RAVER1: variants seen among roughly 807,000 people sequenced by gnomAD.
RAVER1 encodes ribonucleoprotein, PTB binding 1, also known as ribonucleoprotein PTB-binding 1.
A neutral mutation model predicts 68.4 loss-of-function variants in RAVER1; 36 were observed. That is an observed-to-expected ratio of 0.53 (90% CI 0.40 to 0.70). The LOEUF (loss-of-function observed/expected upper bound fraction) is 0.70. Among genes scored for constraint, RAVER1 ranks in the 30% least tolerant of loss-of-function variants. The pLI, the probability that RAVER1 is intolerant of heterozygous loss-of-function variation, is 0.00. For missense variants in RAVER1, 933 were observed against 1,019.8 expected, an observed-to-expected ratio of 0.91 and a Z score of 1.16; for synonymous variants, 469 against 472.7, an observed-to-expected ratio of 0.99 and a Z score of 0.10.
intron 3 of RAVER1, among the ~76,000 whole-genome samples, chr19:10,327,103 ACTATCTTGC>A (rs1327599874): frequency 6.6e-6 from 1 of 151,912 alleles, no homozygotes; most frequent in Non-Finnish European, 1.5e-5. Context: ...ATGGTGTCCC[ACTATCTTGC>A]CCAGGCTAGT....
In RAVER1 at chr19:10,317,745, C is replaced by T. The variant is rs769916113; in HGVS notation, c.2018G>A (p.Gly673Glu). The change falls in exon 12 of 13, where the codon GGA becomes GAA. Residue 673 changes from glycine (G) to glutamate (E), a missense_variant. Gly to Glu is a moderately conservative substitution (Grantham distance 98). Coordinates refer to ENST00000617231, the MANE Select transcript of RAVER1 (RefSeq NM_133452.3). The surrounding 1 kb of genome is among the most constrained non-coding windows in gnomAD (Gnocchi z 4.3). ...KAIGSSPLGS[G>E]EGLLGLSPGP... ...GGGGCTGAGGCCCAGGAGCCCTTCT[C>T]CGGACCCCAGCGGGGAAGAGCCGAT... 2.9e-5 allele frequency: 46 copies of T among 1,596,404 alleles called. 1 individual carries two copies. In the South Asian group the frequency reaches 5.0e-4, roughly 17 times the overall value.
At position 10,317,616 on chromosome 19, in the gene RAVER1, AGGGCG is replaced by A; in HGVS notation, c.2074-21_2074-17del. Reference sequence around the variant, plus strand: ...CCAGTGGGGTCTGGAGACAGAGGGCAGGGCGGGGCGGGTCAGGGGCCGCTGGGGGG... The same window carrying A: ...CCAGTGGGGTCTGGAGACAGAGGGCAGGGCGGGTCAGGGGCCGCTGGGGGG... On this transcript the variant is annotated splice_polypyrimidine_tract_variant and intron_variant, in intron 12 of 12. Coordinates refer to ENST00000617231, the MANE Select transcript of RAVER1 (RefSeq NM_133452.3). This position sits in a 1 kb window ranked among gnomAD's most constrained non-coding sequence, Gnocchi z 4.3. 1 of 1,141,266 alleles carries A rather than the reference AGGGCG, an allele frequency of 8.8e-7. No individual in the cohort carries two copies. The highest frequency in any genetic ancestry group is 1.2e-6 in the Non-Finnish European group (1 of 808,532). 70.7% of individuals were successfully genotyped at this position (1,141,266 alleles called of 1,614,324 possible).
Position 10,333,219 on chromosome 19 carries a change from C to T in RAVER1, c.219+70G>A. ...CCCCCGCGCACCTCAGCGTTGGTGT[C>T]GCCCGGTTCCCCCCGCGCACGCGCA... On this transcript the variant is annotated intron_variant, in intron 1 of 12. Coordinates refer to ENST00000617231, the MANE Select transcript of RAVER1 (RefSeq NM_133452.3). The surrounding 1 kb of genome is among the most constrained non-coding windows in gnomAD (Gnocchi z 4.2). The T allele has an allele frequency of 2.8e-6, 4 of 1,448,918 alleles. No homozygotes were observed. Among genetic ancestry groups the T allele is most frequent in the Non-Finnish European group, 3.7e-6 (4 of 1,069,320 alleles). The allele number at this position is 1,448,918 out of a possible 1,614,324, so 89.8% of individuals were successfully genotyped here.
At chr19:10,319,822 A>G (rs1332598562) in intron 9 of RAVER1, among the ~76,000 whole-genome samples, 3 of 147,722 alleles carry the variant, frequency 2.0e-5, no homozygotes, top group Non-Finnish European at 4.5e-5. Context: ...TATATATTTT[A>G]TAATATATAA....
At chr19:10,331,390 C>CAAAAAAAAAAAAAAAA (rs1568314187) in intron 1 of RAVER1, among the ~76,000 whole-genome samples, 1 of 31,752 alleles carries the variant, frequency 3.1e-5, no homozygotes, top group Non-Finnish European at 5.9e-5. Context: ...AAAATAACAA[C>CAAAAAAAAAAAAAAAA]AACAAAAAAA....
In RAVER1 at chr19:10,323,551, C is replaced by T. The variant is rs1940325539; in HGVS notation, c.772G>A (p.Asp258Asn). Residue 258 changes from aspartate to asparagine, a missense_variant, in exon 4 of 13, where the codon GAT becomes AAT. Physicochemically the swap from Asp to Asn is conservative, Grantham distance 23. Coordinates refer to ENST00000617231, the MANE Select transcript of RAVER1 (RefSeq NM_133452.3). The surrounding 1 kb of genome is among the most constrained non-coding windows in gnomAD (Gnocchi z 6.2). Reference protein sequence around the residue: ...PTFCQLACGQDGQLKGFAVLE... With the variant: ...PTFCQLACGQNGQLKGFAVLE... ...ACCGCGAAGCCCTTCAGCTGCCCAT[C>T]CTGGCCGCACGCCAGCTGCCGGAGG... is the stretch of plus-strand genomic sequence containing the variant. 1.3e-6 allele frequency: 2 copies of T among 1,589,420 alleles called. No individual in the cohort carries two copies. Among genetic ancestry groups the T allele is most frequent in the Non-Finnish European group, 1.7e-6 (2 of 1,169,092 alleles).
rs894797956 is a variant in RAVER1, at chr19:10,316,420, T to C, written c.*1034A>G. ...TGGTGGGCGGGCCCAGAGTTTATCTTCATGGAGTGCTGGTTTCTGGCACTG... is the reference window on the plus strand; with the variant it reads ...TGGTGGGCGGGCCCAGAGTTTATCTCCATGGAGTGCTGGTTTCTGGCACTG... On this transcript the variant is annotated 3_prime_UTR_variant, in exon 13 of 13. Coordinates refer to ENST00000617231, the MANE Select transcript of RAVER1 (RefSeq NM_133452.3). The C allele has an allele frequency of 2.0e-6, 2 of 1,018,216 alleles. No homozygotes were observed. Among genetic ancestry groups the C allele is most frequent in the African/African-American group, 3.5e-5 (2 of 57,778 alleles). 63.1% of individuals were successfully genotyped at this position (1,018,216 alleles called of 1,614,324 possible).
rs1309113854 is a variant in RAVER1 at position 10,333,286 on chromosome 19, T to C, written c.219+3A>G. On this transcript the variant is annotated splice_donor_region_variant and intron_variant, in intron 1 of 12. Coordinates refer to ENST00000617231, the MANE Select transcript of RAVER1 (RefSeq NM_133452.3). The surrounding 1 kb of genome is among the most constrained non-coding windows in gnomAD (Gnocchi z 4.2). ...CACGCTCCTACACCGCCCCCCCCAA[T>C]ACCTGGTTGGTCACGTCCCCCGGGA... 6.2e-7 allele frequency: 1 copy of C among 1,611,694 alleles called. No homozygotes were observed. Among genetic ancestry groups the C allele is most frequent in the Non-Finnish European group, 8.5e-7 (1 of 1,178,322 alleles).
chr19:10,317,156 G>A lies in RAVER1; in HGVS notation c.*298C>T, dbSNP rs2040395696. The A allele has an allele frequency of 2.2e-6, 1 of 454,838 alleles. No homozygotes were observed. Among genetic ancestry groups the A allele is most frequent in the Non-Finnish European group, 3.9e-6 (1 of 254,684 alleles). 28.2% of individuals were successfully genotyped at this position (454,838 alleles called of 1,614,324 possible). A position where few individuals can be genotyped will look rare whatever the true frequency, so the allele number is the denominator to read the frequency against. On this transcript the variant is annotated 3_prime_UTR_variant, in exon 13 of 13. Coordinates refer to ENST00000617231, the MANE Select transcript of RAVER1 (RefSeq NM_133452.3). The surrounding 1 kb of genome is among the most constrained non-coding windows in gnomAD (Gnocchi z 4.3). Reference sequence around the variant, plus strand: ...GGAGCAATGAGGCAGGAGGGCTCCGGAGAGACGGGCACAGCGGAGGAGGAG... The same window carrying A: ...GGAGCAATGAGGCAGGAGGGCTCCGAAGAGACGGGCACAGCGGAGGAGGAG...
rs760694281 is a variant in RAVER1, at chr19:10,318,215, G to C, written c.1989+14C>G. On this transcript the variant is annotated intron_variant, in intron 11 of 12. Transcript: ENST00000617231. ...GTCCCAGGGGGCCTGTGCTTGGCCA[G>C]AGAGGTTCCTCACCTTACTGAGGTG... The C allele has an allele frequency of 6.9e-6, 11 of 1,596,306 alleles. No homozygotes were observed. In the South Asian group the frequency reaches 1.2e-4, roughly 18 times the overall value.
chr19:10,316,303 T>C lies in RAVER1; in HGVS notation c.*1151A>G, dbSNP rs1005115639. ...GGTCGGGGGAATAGTCCCCTTGGAG[T>C]GGATGTGGACCCCCAGAGTCAAGGG... On this transcript the variant is annotated 3_prime_UTR_variant, in exon 13 of 13. Coordinates refer to ENST00000617231, the MANE Select transcript of RAVER1 (RefSeq NM_133452.3). 49 of 1,202,138 alleles carry C rather than the reference T, an allele frequency of 4.1e-5. No individual in the cohort carries two copies. In the African/African-American group the frequency reaches 7.7e-4, roughly 19 times the overall value. The allele number at this position is 1,202,138 out of a possible 1,614,324, so 74.5% of individuals were successfully genotyped here.
intron 10 of RAVER1, 27 bp downstream of exon 10, chr19:10,319,139 A>T: frequency 1.2e-6 from 2 of 1,608,306 alleles, no homozygotes; most frequent in Non-Finnish European, 1.7e-6. Flanking sequence ...GCTGATTGCT[A>T]CACATGCCAT....
Position 10,317,834 on chromosome 19 carries a change from CG to C in RAVER1, c.1990-62del. ...TGGGGGCCAGAGGAAGCACCCACCC[CG>C]CCCCCCTGCCACTGCCCCCCAGCCC... is the stretch of plus-strand genomic sequence containing the variant. On this transcript the variant is annotated intron_variant, in intron 11 of 12. Coordinates refer to ENST00000617231, the MANE Select transcript of RAVER1 (RefSeq NM_133452.3). This position sits in a 1 kb window ranked among gnomAD's most constrained non-coding sequence, Gnocchi z 4.3. 1.0e-6 allele frequency: 1 copy of C among 963,556 alleles called. No homozygotes were observed. The highest frequency in any genetic ancestry group is 1.6e-6 in the Non-Finnish European group (1 of 614,890). 59.7% of individuals were successfully genotyped at this position (963,556 alleles called of 1,614,324 possible).
In RAVER1 at chr19:10,333,490, G is replaced by A. The variant is rs35633871; in HGVS notation, c.18C>T (p.Ser6=). 69,592 of 1,602,688 alleles carry A rather than the reference G, an allele frequency of 0.043. 1,754 individuals are homozygous for A. The highest frequency in any genetic ancestry group is 0.067 in the Middle Eastern group (405 of 6,004). Reference sequence around the variant, plus strand: ...GGCTCAGCGGGGGCCGGTGAGTAACGGACACGTCCGCCGCCATCTTGGGAA... The same window carrying A: ...GGCTCAGCGGGGGCCGGTGAGTAACAGACACGTCCGCCGCCATCTTGGGAA... MAADV[S]VTHRPPLSPK... is the part of the protein sequence containing the mutation. The change falls in exon 1 of 13, where the codon TCC becomes TCT. Residue 6 remains serine, a synonymous_variant. Transcript: ENST00000617231. This position sits in a 1 kb window ranked among gnomAD's most constrained non-coding sequence, Gnocchi z 4.2.
chr19:10,317,585 G>A lies in RAVER1; in HGVS notation c.2089C>T (p.Gln697Ter). The stretch of plus-strand genomic sequence containing the variant: ...AGCAGGTGGGCAAAGCTGCGTTTCT[G>A]GCCGCCCAGTGGGGTCTGGAGACAG... Reference protein sequence around the residue: ...SHLLKTPLGGQKRSFAHLLPS... With the variant: ...SHLLKTPLGG The change falls in exon 13 of 13, where the codon CAG becomes TAG. Residue 697 changes from glutamine (Q) to a stop codon, truncating the protein, a stop_gained. Transcript: ENST00000617231. LOFTEE classifies it high-confidence loss of function. The surrounding 1 kb of genome is among the most constrained non-coding windows in gnomAD (Gnocchi z 4.3). 1 of 1,610,464 alleles carries A rather than the reference G, an allele frequency of 6.2e-7. No individual in the cohort carries two copies. Among genetic ancestry groups the A allele is most frequent in the East Asian group, 2.2e-5 (1 of 44,844 alleles).
Position 10,317,265 on chromosome 19 carries a change from A to T in RAVER1, c.*189T>A. 1 of 657,724 alleles carries T rather than the reference A, an allele frequency of 1.5e-6. No homozygotes were observed. The highest frequency in any genetic ancestry group is 2.6e-6 in the Non-Finnish European group (1 of 379,982). The allele number at this position is 657,724 out of a possible 1,614,324, so 40.7% of individuals were successfully genotyped here. A position where few individuals can be genotyped will look rare whatever the true frequency, so the allele number is the denominator to read the frequency against. On this transcript the variant is annotated 3_prime_UTR_variant, in exon 13 of 13. Transcript: ENST00000617231. This position sits in a 1 kb window ranked among gnomAD's most constrained non-coding sequence, Gnocchi z 4.3. ...AGCGTGGGGAGCAAGCCAGAGACATAATGAGGCCTCCAGACTCCCCCACAC... is the reference window on the plus strand; with the variant it reads ...AGCGTGGGGAGCAAGCCAGAGACATTATGAGGCCTCCAGACTCCCCCACAC...
In RAVER1 at chr19:10,328,550, A is replaced by C; in HGVS notation, c.756+92T>G. 1 of 361,500 alleles carries C rather than the reference A, an allele frequency of 2.8e-6. No homozygotes were observed. Among genetic ancestry groups the C allele is most frequent in the Non-Finnish European group, 4.3e-6 (1 of 231,964 alleles). 22.4% of individuals were successfully genotyped at this position (361,500 alleles called of 1,614,324 possible). On this transcript the variant is annotated intron_variant, in intron 3 of 12. Transcript: ENST00000617231. This position sits in a 1 kb window ranked among gnomAD's most constrained non-coding sequence, Gnocchi z 4.4. Reference sequence around the variant, plus strand: ...ATGGGTGACAAAGTGAGACTGTCTCAAAAAAAAAAAAGAAAAGGCAGATGA... The same window carrying C: ...ATGGGTGACAAAGTGAGACTGTCTCCAAAAAAAAAAAGAAAAGGCAGATGA...
chr19:10,321,761 C>T (rs2040439712), intron 6 of RAVER1, 143 bp from the exon 7 acceptor site: 2 of 495,968 alleles, frequency 4.0e-6, no homozygotes, highest in South Asian at 1.8e-4. Context: ...TCCCCAGTGC[C>T]CGCCACACTC....
At position 10,320,957 on chromosome 19, in the gene RAVER1, G is replaced by A. The variant is rs1275138718; in HGVS notation, c.1474-6C>T. On this transcript the variant is annotated splice_polypyrimidine_tract_variant and splice_region_variant and intron_variant, in intron 8 of 12. Transcript: ENST00000617231. ...GGCTCCCCCAGCAGTGAGACCTGTGGCGGGAAGGCAGGATTCGAGAGGGCC... is the reference window on the plus strand; with the variant it reads ...GGCTCCCCCAGCAGTGAGACCTGTGACGGGAAGGCAGGATTCGAGAGGGCC... The A allele has an allele frequency of 2.0e-6, 3 of 1,491,676 alleles. No individual in the cohort carries two copies. The highest frequency in any genetic ancestry group is 2.9e-5 in the African/African-American group (2 of 69,060). The allele number at this position is 1,491,676 out of a possible 1,614,324, so 92.4% of individuals were successfully genotyped here. A position where few individuals can be genotyped will look rare whatever the true frequency, so the allele number is the denominator to read the frequency against.
Sources: gnomAD v4.1 joint callset for allele counts (sites outside exome capture counted in the v4.1 genomes callset) on GRCh38, gnomAD v4.1.1 for gene constraint, Gnocchi (gnomAD v3.1) non-coding constraint, MANE v1.5 for transcripts, NCBI Gene and HGNC (gene_info 2026-07-23, HGNC 2026-07-21) for gene names.